The following PLPPR1 variants were observed in gnomAD, a reference collection of about 807,000 sequenced individuals.
The protein encoded by PLPPR1 is phospholipid phosphatase-related protein type 1.
A neutral mutation model predicts 33.1 loss-of-function variants in PLPPR1; 10 were observed. That is an observed-to-expected ratio of 0.30 (90% CI 0.19 to 0.51). PLPPR1 has a LOEUF of 0.51. Ranked by LOEUF, PLPPR1 falls within the 20% of genes least tolerant of loss-of-function variation. The pLI, the probability that PLPPR1 is intolerant of heterozygous loss-of-function variation, is 0.97. For synonymous variants in PLPPR1, 151 were observed against 151.0 expected (o/e 1.00, Z 0.00); for missense variants, 304 against 408.1 (o/e 0.74, Z 2.20).
At chr9:101,193,737 T>A (rs918744596) in intron 2 of PLPPR1, among the ~76,000 whole-genome samples, 2 of 152,162 alleles carry the variant, frequency 1.3e-5, no homozygotes, top group African/African-American at 4.8e-5. Context: ...CTTCACTTTT[T>A]AAATTTCAAA....
chr9:101,137,244 A>C (rs1357170912), intron 1 of PLPPR1, among the ~76,000 whole-genome samples: 1 of 152,170 alleles, frequency 6.6e-6, no homozygotes, highest in African/African-American at 2.4e-5. Flanking sequence ...GGAGAGAAGG[A>C]AGTGCACTGG....
chr9:101,271,127 G>A (rs1179792933), intron 3 of PLPPR1, among the ~76,000 whole-genome samples: 1 of 152,100 alleles, frequency 6.6e-6, no homozygotes, highest in Non-Finnish European at 1.5e-5. Context: ...TTAAATGATA[G>A]GACTGTGCTG....
intron 1 of PLPPR1, among the ~76,000 whole-genome samples, chr9:101,102,088 A>G (rs1050189792): frequency 3.9e-5 from 5 of 128,998 alleles, no homozygotes; most frequent in African/African-American, 1.5e-4. Context: ...TGAAGGTAGG[A>G]ACAACTTTTT....
chr9:101,240,409 A>ACTGTTTTTTTTTTTTTTTTTTT (rs1564012614), intron 2 of PLPPR1, among the ~76,000 whole-genome samples: 16 of 151,668 alleles, frequency 1.1e-4, no homozygotes, highest in African/African-American at 3.6e-4. Flanking sequence ...AAATTTTAGA[A>ACTGTTTTTTTTTTTTTTTTTTT]TTGTTTTTTT....
At chr9:101,253,600 GTTTCTT>G (rs1478019563) in intron 2 of PLPPR1, among the ~76,000 whole-genome samples, 7 of 152,014 alleles carry the variant, frequency 4.6e-5, no homozygotes, top group African/African-American at 1.7e-4. Context: ...TACTCATTCT[GTTTCTT>G]TTTCAACAAG....
intron 4 of PLPPR1, among the ~76,000 whole-genome samples, chr9:101,289,583 C>T (rs1183467340): frequency 1.3e-5 from 2 of 152,172 alleles, no homozygotes; most frequent in East Asian, 1.9e-4. Context: ...GGGGGTGGTT[C>T]CCCCATACTG....
intron 4 of PLPPR1, among the ~76,000 whole-genome samples, chr9:101,305,747 C>CGT (rs1336526563): frequency 6.6e-6 from 1 of 151,824 alleles, no homozygotes; most frequent in Non-Finnish European, 1.5e-5. Context: ...CCTTCATGCA[C>CGT]GTTTCCTGGT....
chr9:101,316,116 A>G (rs1490814964), intron 6 of PLPPR1, among the ~76,000 whole-genome samples: 1 of 152,160 alleles, frequency 6.6e-6, no homozygotes, highest in African/African-American at 2.4e-5. Context: ...CAAAGTTTCT[A>G]CAGGTTCCCC....
At chr9:101,061,846 A>G (rs1830351346) in intron 1 of PLPPR1, among the ~76,000 whole-genome samples, 1 of 152,026 alleles carries the variant, frequency 6.6e-6, no homozygotes, top group Non-Finnish European at 1.5e-5. Flanking sequence ...AACTGCTTTA[A>G]TATGATAACC....
At chr9:101,183,098 A>T (rs1216675939) in intron 1 of PLPPR1, among the ~76,000 whole-genome samples, 2 of 151,814 alleles carry the variant, frequency 1.3e-5, no homozygotes, top group Non-Finnish European at 3.0e-5. Context: ...CTGTTAAAAA[A>T]TTAAACATAA....
At chr9:101,069,737 C>T (rs12351032) in intron 1 of PLPPR1, among the ~76,000 whole-genome samples, 1,530 of 152,194 alleles carry the variant, frequency 0.01, 35 homozygotes, top group African/African-American at 0.034. Context: ...GCAACACTTA[C>T]GTCCCTAACT....
chr9:101,238,340 T>A, intron 2 of PLPPR1, among the ~76,000 whole-genome samples: 1 of 100,926 alleles, frequency 9.9e-6, no homozygotes, highest in Non-Finnish European at 1.9e-5. Flanking sequence ...TACCTCTCTA[T>A]ATATAGAGGT....
chr9:101,088,140 A>C lies in PLPPR1; in HGVS notation c.-46+59038A>C, dbSNP rs79510192. Among the ~76,000 whole-genome samples, 1,048 of 152,308 alleles carry C rather than the reference A, an allele frequency of 6.9e-3. 13 individuals are homozygous for C. Among genetic ancestry groups the C allele is most frequent in the African/African-American group, 0.024 (1,012 of 41,564 alleles). The stretch of plus-strand genomic sequence containing the variant: ...TTCTACCCTCCTTATCCTCATGGAA[A>C]TGACTAGTTGAATTTAGATATTGCA... On this transcript the variant is annotated intron_variant, in intron 1 of 7. Transcript: ENST00000374874.
chr9:101,118,592 G>A (rs1447148913), intron 1 of PLPPR1, among the ~76,000 whole-genome samples: 2 of 152,178 alleles, frequency 1.3e-5, no homozygotes, highest in Non-Finnish European at 2.9e-5. Flanking sequence ...AGAATGATGA[G>A]AGCAGCAGTT....
intron 1 of PLPPR1, among the ~76,000 whole-genome samples, chr9:101,158,886 T>C (rs926776467): frequency 2.6e-5 from 4 of 152,196 alleles, no homozygotes; most frequent in African/African-American, 4.8e-5. Flanking sequence ...CTAGCACCAA[T>C]TGCTTCTCCT....
intron 2 of PLPPR1, among the ~76,000 whole-genome samples, chr9:101,219,074 G>A (rs1826867467): frequency 1.3e-5 from 2 of 152,168 alleles, no homozygotes; most frequent in South Asian, 4.1e-4. Flanking sequence ...TCATGAACAC[G>A]CTCCTCCATC....
chr9:101,252,001 GATGAT>G (rs1315597398), intron 2 of PLPPR1, among the ~76,000 whole-genome samples: 4 of 152,082 alleles, frequency 2.6e-5, no homozygotes, highest in Non-Finnish European at 5.9e-5. Context: ...AAAAAATCCT[GATGAT>G]ATGTTTTCCA....
chr9:101,066,708 T>C (rs935616647), intron 1 of PLPPR1, among the ~76,000 whole-genome samples: 2 of 152,058 alleles, frequency 1.3e-5, no homozygotes, highest in African/African-American at 2.4e-5. Context: ...GTGATTTTCT[T>C]TGGGCACTTC....
At chr9:101,053,168 A>C (rs918791448) in intron 1 of PLPPR1, among the ~76,000 whole-genome samples, 3 of 152,118 alleles carry the variant, frequency 2.0e-5, no homozygotes, top group African/African-American at 7.2e-5. Context: ...ACCTTCCCTC[A>C]CAAAAAATGC....
Sources: gnomAD v4.1 joint callset for allele counts (sites outside exome capture counted in the v4.1 genomes callset) on GRCh38, gnomAD v4.1.1 for gene constraint, MANE v1.5 for transcripts, NCBI Gene and HGNC (gene_info 2026-07-23, HGNC 2026-07-21) for gene names.